The following UBR2 variants were observed in gnomAD, a reference collection of about 807,000 sequenced individuals.
UBR2 encodes E3 ubiquitin-protein ligase UBR2.
A neutral mutation model predicts 247.9 loss-of-function variants in UBR2; 92 were observed. The ratio of observed to expected loss-of-function variants is 0.37; its 90% confidence interval spans 0.31 to 0.44. UBR2 has a LOEUF of 0.44. UBR2 is among the 20% of genes least tolerant of loss of function. The pLI is 1.00. For synonymous variants in UBR2, 672 were observed against 693.5 expected (o/e 0.97, Z 0.49); for missense variants, 1,613 against 2,112.6 (o/e 0.76, Z 4.64).
chr6:42,670,334 G>T, intron 35 of UBR2, 94 bp downstream of exon 35: 1 of 1,444,078 alleles, frequency 6.9e-7, no homozygotes, highest in Non-Finnish European at 9.4e-7. Flanking sequence ...TGTTTGAAGT[G>T]GGTAACAACG....
At position 42,693,076 on chromosome 6, in the gene UBR2, T is replaced by TTC. The variant is rs781083581; in HGVS notation, c.*1909_*1910dup. ...AAAATTTAAAATAATAAGACCAGGT[T>TTC]TCTCTCTGTACAAGTGGATTATAAA... On this transcript the variant is annotated 3_prime_UTR_variant, in exon 47 of 47. Coordinates refer to ENST00000372901, the MANE Select transcript of UBR2 (RefSeq NM_001363705.2). 3 of 152,216 alleles carry TTC rather than the reference T, an allele frequency of 2.0e-5. No homozygotes were observed. Among genetic ancestry groups the TTC allele is most frequent in the Admixed American group, 6.5e-5 (1 of 15,280 alleles). The allele number at this position is 152,216 out of a possible 1,614,324, so 9.4% of individuals were successfully genotyped here. A position where few individuals can be genotyped will look rare whatever the true frequency, so the allele number is the denominator to read the frequency against.
At position 42,620,661 on chromosome 6, in the gene UBR2, G is replaced by A. The variant is rs192107979; in HGVS notation, c.1281+3154G>A. Among the ~76,000 whole-genome samples, 632 of 151,240 alleles carry A rather than the reference G, an allele frequency of 4.2e-3. 2 individuals carry two copies. Among genetic ancestry groups the A allele is most frequent in the African/African-American group, 0.015 (611 of 41,196 alleles). On this transcript the variant is annotated intron_variant, in intron 11 of 46. Transcript: ENST00000372901. ...ATAGAGATGGGGTTTCACTATGTTG[G>A]CCAGGCTGGTCTCAAACTCCTAGCC...
chr6:42,616,265 C>T (rs1477003667), intron 10 of UBR2, among the ~76,000 whole-genome samples, 175 bp downstream of exon 10: 1 of 151,950 alleles, frequency 6.6e-6, no homozygotes, highest in Non-Finnish European at 1.5e-5. Flanking sequence ...AAAATTTTAG[C>T]CGTGAGACTC....
At chr6:42,570,196 A>T (rs1054477265) in intron 1 of UBR2, among the ~76,000 whole-genome samples, 12 of 152,322 alleles carry the variant, frequency 7.9e-5, no homozygotes, top group East Asian at 3.9e-4. Context: ...ATAGAGCCCA[A>T]ATCTTTTAGG....
intron 2 of UBR2, among the ~76,000 whole-genome samples, chr6:42,585,740 T>G (rs1254917763): frequency 2.0e-5 from 3 of 152,208 alleles, no homozygotes; most frequent in Non-Finnish European, 4.4e-5. Context: ...CCTTTTGCTT[T>G]TGATGTCTGT....
chr6:42,685,622 G>A (rs2223938), intron 44 of UBR2, among the ~76,000 whole-genome samples: 34,357 of 151,432 alleles, frequency 0.23, 3,937 homozygotes, highest in Middle Eastern at 0.26. Context: ...GCACCACAAC[G>A]CCCAGCTAAT....
At chr6:42,618,110 T>C (rs1794674467) in intron 11 of UBR2, among the ~76,000 whole-genome samples, 1 of 152,208 alleles carries the variant, frequency 6.6e-6, no homozygotes, top group Admixed American at 6.5e-5. Context: ...CAATAACAAA[T>C]GTGACCCTTC....
At position 42,564,047 on chromosome 6, in the gene UBR2, G is replaced by A. The variant is rs1306932968; in HGVS notation, c.-273G>A. ...GGACGCGGTAGTGGCCAGCGAGAGT[G>A]TCAGGCCTGGGGTTTTCTGTGTCCT... On this transcript the variant is annotated 5_prime_UTR_variant, in exon 1 of 47. Transcript: ENST00000372901. 18 of 493,346 alleles carry A rather than the reference G, an allele frequency of 3.6e-5. No homozygotes were observed. In the East Asian group the frequency reaches 6.4e-4, roughly 17 times the overall value. 30.6% of individuals were successfully genotyped at this position (493,346 alleles called of 1,614,324 possible).
At chr6:42,569,633 A>G (rs1038472099) in intron 1 of UBR2, among the ~76,000 whole-genome samples, 2 of 152,210 alleles carry the variant, frequency 1.3e-5, no homozygotes, top group African/African-American at 2.4e-5. Flanking sequence ...TTGTTTTATG[A>G]TTAACTTACA....
Position 42,676,858 on chromosome 6 carries a change from A to G in UBR2, c.4463A>G (p.His1488Arg). The G allele has an allele frequency of 6.2e-7, 1 of 1,613,620 alleles. No homozygotes were observed. ...SAVLALYKTLHQYTGSALKEI... is the reference protein window; with the variant it reads ...SAVLALYKTLRQYTGSALKEI... Reference sequence around the variant, plus strand: ...GTTCTTGCTTTGTATAAAACACTTCACCAGTATACGGGAAGGTGAGTTAGT... The same window carrying G: ...GTTCTTGCTTTGTATAAAACACTTCGCCAGTATACGGGAAGGTGAGTTAGT... The change falls in exon 40 of 47, where the codon CAC (histidine) becomes CGC (arginine). Residue 1488 changes from histidine to arginine, a missense_variant. Coordinates refer to ENST00000372901, the MANE Select transcript of UBR2 (RefSeq NM_001363705.2).
intron 4 of UBR2, among the ~76,000 whole-genome samples, chr6:42,596,155 C>T (rs1201850726): frequency 6.8e-6 from 1 of 147,870 alleles, no homozygotes; most frequent in Non-Finnish European, 1.5e-5. Context: ...TCTTACAACT[C>T]AGCAAGTAAA....
chr6:42,611,442 A>G (rs372763615), intron 7 of UBR2, among the ~76,000 whole-genome samples: 3 of 139,280 alleles, frequency 2.2e-5, no homozygotes, highest in East Asian at 4.2e-4. Flanking sequence ...GCCTGGTGAC[A>G]GAGCTAGACT....
intron 2 of UBR2, among the ~76,000 whole-genome samples, chr6:42,583,527 C>CT (rs748195321): frequency 0.027 from 3,436 of 128,716 alleles, 116 homozygotes; most frequent in African/African-American, 0.084. Flanking sequence ...GATTACAGGG[C>CT]TTTTTTTTTT....
intron 26 of UBR2, among the ~76,000 whole-genome samples, 194 bp downstream of exon 26, chr6:42,655,917 G>C (rs1285211899): frequency 6.6e-6 from 1 of 151,926 alleles, no homozygotes; most frequent in Non-Finnish European, 1.5e-5. Flanking sequence ...AAATATCTAG[G>C]GCTAAGTTCA....
At chr6:42,657,056 G>A (rs1166102151) in intron 26 of UBR2, among the ~76,000 whole-genome samples, 6 of 151,798 alleles carry the variant, frequency 4.0e-5, no homozygotes, top group East Asian at 1.9e-4. Flanking sequence ...CCAACATGAC[G>A]AAACCCTGTC....
At chr6:42,671,140 GTGCCAT>G (rs1798402135) in intron 36 of UBR2, among the ~76,000 whole-genome samples, 1 of 145,748 alleles carries the variant, frequency 6.9e-6, no homozygotes, top group African/African-American at 2.6e-5. Flanking sequence ...AGCTGAGATT[GTGCCAT>G]TGCACTCCAG....
chr6:42,621,506 A>G (rs1206335695), intron 11 of UBR2, among the ~76,000 whole-genome samples: 4 of 152,046 alleles, frequency 2.6e-5, no homozygotes, highest in Non-Finnish European at 5.9e-5. Flanking sequence ...GTTGTTGCCC[A>G]GGCTGGAGTG....
chr6:42,638,309 T>C (rs928323743), intron 15 of UBR2, among the ~76,000 whole-genome samples: 1 of 152,176 alleles, frequency 6.6e-6, no homozygotes, highest in Non-Finnish European at 1.5e-5. Flanking sequence ...TCCTTCATTA[T>C]CCTTTTAATG....
chr6:42,651,222 CAAA>C (rs78106945), intron 23 of UBR2, among the ~76,000 whole-genome samples: 2 of 111,646 alleles, frequency 1.8e-5, no homozygotes, highest in African/African-American at 3.3e-5. Context: ...GACCGTATCT[CAAA>C]AAAAAAAAAA....
Sources: gnomAD v4.1 joint callset for allele counts (sites outside exome capture counted in the v4.1 genomes callset) on GRCh38, gnomAD v4.1.1 for gene constraint, MANE v1.5 for transcripts, NCBI Gene and HGNC (gene_info 2026-07-23, HGNC 2026-07-21) for gene names.